Variants in KCNIP4 observed in about 807,000 individuals in gnomAD.
KCNIP4 encodes potassium voltage-gated channel interacting protein 4.
Under a neutral mutation model 34.0 loss-of-function variants are expected in KCNIP4, and 12 were observed. The observed-to-expected ratio is 0.35, with a 90% CI of 0.23 to 0.57. The LOEUF is 0.57. KCNIP4 is among the 20% of genes least tolerant of loss of function. KCNIP4 has a pLI of 0.83. For synonymous variants in KCNIP4, 124 were observed against 102.2 expected, an observed-to-expected ratio of 1.21 and a Z score of -1.29; for missense variants, 238 against 311.7, an observed-to-expected ratio of 0.76 and a Z score of 1.78.
intron 1 of KCNIP4, among the ~76,000 whole-genome samples, chr4:21,776,980 C>G (rs544651816): frequency 6.6e-6 from 1 of 152,218 alleles, no homozygotes; most frequent in South Asian, 2.1e-4. Context: ...ACCATATTGG[C>G]CAGGCTGGTC....
rs191569093 is a variant in KCNIP4 at position 21,065,257 on chromosome 4, C to T, written c.62-182548G>A. ...AAATAATCGAGTGTCCCTACACTAC[C>T]AAAGTGTTAAATCTAATTGAAGAGG... On this transcript the variant is annotated intron_variant, in intron 1 of 8. Coordinates refer to ENST00000382152, the MANE Select transcript of KCNIP4 (RefSeq NM_025221.6). Among the ~76,000 whole-genome samples the T allele has an allele frequency of 1.8e-3, 271 of 152,188 alleles. 1 individual carries two copies. The highest frequency in any genetic ancestry group is 6.2e-3 in the African/African-American group (259 of 41,540).
At chr4:21,522,851 A>C (rs903943247) in intron 1 of KCNIP4, among the ~76,000 whole-genome samples, 1 of 152,178 alleles carries the variant, frequency 6.6e-6, no homozygotes, top group Non-Finnish European at 1.5e-5. Flanking sequence ...ATTGCTTAGC[A>C]CATAGTAAAA....
At chr4:20,988,432 T>A (rs1405967870) in intron 1 of KCNIP4, among the ~76,000 whole-genome samples, 1 of 152,232 alleles carries the variant, frequency 6.6e-6, no homozygotes, top group Non-Finnish European at 1.5e-5. Context: ...TAATCTCAAA[T>A]GGGATGATTT....
At chr4:21,894,777 A>C (rs993110127) in intron 1 of KCNIP4, among the ~76,000 whole-genome samples, 1 of 152,202 alleles carries the variant, frequency 6.6e-6, no homozygotes, top group East Asian at 1.9e-4. Flanking sequence ...CTTCAAAGAA[A>C]ATCTAAACTT....
intron 1 of KCNIP4, among the ~76,000 whole-genome samples, chr4:21,376,166 C>T (rs989711891): frequency 1.3e-5 from 2 of 152,168 alleles, no homozygotes; most frequent in Admixed American, 6.5e-5. Context: ...TCTTTTGAAA[C>T]CTCTGTGGCA....
intron 1 of KCNIP4, among the ~76,000 whole-genome samples, chr4:21,865,424 GAAAGGAA>G (rs1725355729): frequency 6.6e-6 from 1 of 151,880 alleles, no homozygotes. Flanking sequence ...AAAAGGAAAG[GAAAGGAA>G]AAAGGAAAAG....
At chr4:20,745,215 T>G (rs188758199) in intron 5 of KCNIP4, among the ~76,000 whole-genome samples, 1 of 102,744 alleles carries the variant, frequency 9.7e-6, no homozygotes, top group Non-Finnish European at 2.2e-5. Context: ...GAAATTACCA[T>G]TTTTTTTTGT....
intron 1 of KCNIP4, among the ~76,000 whole-genome samples, chr4:21,298,145 T>G (rs180726111): frequency 3.3e-5 from 5 of 152,276 alleles, no homozygotes; most frequent in Admixed American, 3.3e-4. Context: ...GCAACACTTT[T>G]TTTCATCCTC....
At chr4:21,455,870 A>C (rs1728921989) in intron 1 of KCNIP4, among the ~76,000 whole-genome samples, 1 of 105,460 alleles carries the variant, frequency 9.5e-6, no homozygotes, top group Non-Finnish European at 1.7e-5. Context: ...CTTAGATACA[A>C]TTGTGTATGC....
chr4:21,787,568 G>A (rs1313207957), intron 1 of KCNIP4, among the ~76,000 whole-genome samples: 1 of 152,144 alleles, frequency 6.6e-6, no homozygotes, highest in Non-Finnish European at 1.5e-5. Context: ...CATATAAGAA[G>A]CTGAAGTTCT....
intron 1 of KCNIP4, among the ~76,000 whole-genome samples, chr4:21,250,120 C>CTTTCT (rs538502763): frequency 0.18 from 25,104 of 143,304 alleles, 2,773 homozygotes; most frequent in East Asian, 0.31. Context: ...TCATTTCTTT[C>CTTTCT]TTTTTTTTTT....
At chr4:21,526,085 G>A (rs1735951353) in intron 1 of KCNIP4, among the ~76,000 whole-genome samples, 1 of 152,082 alleles carries the variant, frequency 6.6e-6, no homozygotes, top group Admixed American at 6.6e-5. Context: ...ATCATGAAAG[G>A]ATGGATATGT....
chr4:21,710,689 C>T (rs1713656507), intron 1 of KCNIP4, among the ~76,000 whole-genome samples: 1 of 152,080 alleles, frequency 6.6e-6, no homozygotes, highest in African/African-American at 2.4e-5. Flanking sequence ...GTCTGGCTCT[C>T]TCAAGGACTA....
chr4:21,352,519 C>T (rs1480347347), intron 1 of KCNIP4, among the ~76,000 whole-genome samples: 2 of 152,234 alleles, frequency 1.3e-5, no homozygotes, highest in Non-Finnish European at 2.9e-5. Context: ...TAGCCTTGCT[C>T]ACTGCTAGCG....
chr4:21,668,310 A>G (rs143013477), intron 1 of KCNIP4, among the ~76,000 whole-genome samples: 3,118 of 152,246 alleles, frequency 0.02, 123 homozygotes, highest in African/African-American at 0.07. Flanking sequence ...ATACCTATGT[A>G]ACAAACCTAC....
intron 1 of KCNIP4, among the ~76,000 whole-genome samples, chr4:21,613,879 C>A (rs535974359): frequency 7.1e-4 from 108 of 152,024 alleles, no homozygotes; most frequent in Admixed American, 1.7e-3. Context: ...GTGCAATGGT[C>A]CATGCCTGTA....
intron 1 of KCNIP4, among the ~76,000 whole-genome samples, chr4:21,145,954 T>G (rs947377419): frequency 1.3e-5 from 2 of 152,258 alleles, no homozygotes; most frequent in Non-Finnish European, 2.9e-5. Context: ...TCTATCTTTG[T>G]CCTTGCATTA....
At chr4:21,569,584 G>T (rs888921867) in intron 1 of KCNIP4, among the ~76,000 whole-genome samples, 3 of 152,020 alleles carry the variant, frequency 2.0e-5, no homozygotes, top group East Asian at 1.9e-4. Context: ...AAGAGAAAAA[G>T]AATACATTGT....
intron 3 of KCNIP4, among the ~76,000 whole-genome samples, chr4:20,766,119 T>G (rs1287457737): frequency 6.6e-6 from 1 of 152,184 alleles, no homozygotes; most frequent in Admixed American, 6.5e-5. Flanking sequence ...GCATTAAATG[T>G]TTTACATGGA....
Sources: gnomAD v4.1 joint callset for allele counts (sites outside exome capture counted in the v4.1 genomes callset) on GRCh38, gnomAD v4.1.1 for gene constraint, MANE v1.5 for transcripts, NCBI Gene and HGNC (gene_info 2026-07-23, HGNC 2026-07-21) for gene names.